The following VLDLR variants were observed in gnomAD, a reference collection of about 807,000 sequenced individuals.
VLDLR encodes the protein very low-density lipoprotein receptor.
VLDLR carries 81 observed loss-of-function variants against 112.7 expected under a neutral mutation model. That is an observed-to-expected ratio of 0.72 (90% CI 0.60 to 0.86). VLDLR has a LOEUF of 0.86. VLDLR is among the 40% of genes least tolerant of loss of function. The pLI is 0.00. For synonymous variants in VLDLR, 436 were observed against 384.8 expected (o/e 1.13, Z -1.56); for missense variants, 1,237 against 1,099.4 (o/e 1.13, Z -1.77).
At chr9:2,650,271 CT>C in intron 14 of VLDLR, 98 bp from the exon 15 acceptor site, 1 of 1,507,914 alleles carries the variant, frequency 6.6e-7, no homozygotes, top group Non-Finnish European at 9.1e-7. Flanking sequence ...AGTTTAAGCT[CT>C]TGGGGGCAAG....
rs779139207 is a variant in VLDLR at position 2,648,789 on chromosome 9, C to T, written c.2083C>T (p.His695Tyr). The T allele has an allele frequency of 6.2e-7, 1 of 1,614,166 alleles. No individual in the cohort carries two copies. Among genetic ancestry groups the T allele is most frequent in the Non-Finnish European group, 8.5e-7 (1 of 1,180,026 alleles). Residue 695 changes from histidine to tyrosine, a missense_variant, in exon 14 of 19, where the codon CAT becomes TAT. Transcript: ENST00000382100. ...LNDAQDIIVY[H>Y]ELVQPSGKNW... is the part of the protein sequence containing the mutation. ...TGATGCCCAAGACATCATTGTCTATCATGAACTTGTACAGCCATCAGGTAC... is the reference window on the plus strand; with the variant it reads ...TGATGCCCAAGACATCATTGTCTATTATGAACTTGTACAGCCATCAGGTAC...
At position 2,643,443 on chromosome 9, in the gene VLDLR, C is replaced by T; in HGVS notation, c.732C>T (p.Ile244=). ...VIHTKCPASE[I]QCGSGECIHK... ...ACACCAAGTGTCCAGCCAGCGAAAT[C>T]CAGTGCGGCTCTGGCGAGTGCATCC... The change falls in exon 5 of 19, where the codon ATC becomes ATT. Residue 244 remains isoleucine, a synonymous_variant. Transcript: ENST00000382100. 8.1e-6 allele frequency: 13 copies of T among 1,614,190 alleles called. No homozygotes were observed. The highest frequency in any genetic ancestry group is 1.1e-5 in the Non-Finnish European group (13 of 1,180,040).
At chr9:2,624,820 G>T (rs763788150) in intron 1 of VLDLR, among the ~76,000 whole-genome samples, 1 of 152,176 alleles carries the variant, frequency 6.6e-6, no homozygotes, top group Non-Finnish European at 1.5e-5. Flanking sequence ...CAGGGACTGC[G>T]TAAAGGAAGG....
chr9:2,646,341 A>G lies in VLDLR; in HGVS notation c.1492A>G (p.Ile498Val), dbSNP rs758735718. ...TGACCTATTCTGTTTCAGTGCCTCA[A>G]TTGATGACAAGGTTGGTAGACATGT... ...LSQKAIFSAS[I>V]DDKVGRHVKM... The change falls in exon 11 of 19, where the codon ATT (isoleucine) becomes GTT (valine). Residue 498 changes from isoleucine to valine, a missense_variant. Transcript: ENST00000382100. 8 of 1,614,034 alleles carry G rather than the reference A, an allele frequency of 5.0e-6. No homozygotes were observed. The highest frequency in any genetic ancestry group is 3.3e-4 in the Middle Eastern group (2 of 6,084).
intron 4 of VLDLR, among the ~76,000 whole-genome samples, chr9:2,641,754 A>G (rs1172348676): frequency 6.6e-6 from 1 of 152,102 alleles, no homozygotes; most frequent in Non-Finnish European, 1.5e-5. Flanking sequence ...GCACTTATAT[A>G]TAGAAGTAGC....
intron 4 of VLDLR, among the ~76,000 whole-genome samples, chr9:2,642,739 G>C (rs1053228267): frequency 1.7e-4 from 26 of 152,178 alleles, no homozygotes; most frequent in African/African-American, 6.3e-4. Flanking sequence ...TGGTGACAAA[G>C]TCTTAATGCT....
intron 17 of VLDLR, 63 bp downstream of exon 17, chr9:2,652,017 G>A (rs188004889): frequency 1.6e-4 from 246 of 1,522,732 alleles, no homozygotes; most frequent in Non-Finnish European, 2.1e-4. Context: ...AAGATTTTTT[G>A]TTCATCTGGA....
chr9:2,625,364 A>G (rs939097146), intron 1 of VLDLR, among the ~76,000 whole-genome samples: 1 of 152,228 alleles, frequency 6.6e-6, no homozygotes, highest in Non-Finnish European at 1.5e-5. Flanking sequence ...CACAGCATAG[A>G]AATACAGCTA....
chr9:2,652,962 T>G lies in VLDLR; in HGVS notation c.2586+13T>G. On this transcript the variant is annotated intron_variant, in intron 18 of 18. Transcript: ENST00000382100. ...CACGTACCCAGCAGTAAGTCAGCTT[T>G]GTGTCTTTATACACCATGGCTTGAA... 6.2e-7 allele frequency: 1 copy of G among 1,613,964 alleles called. No homozygotes were observed. Among genetic ancestry groups the G allele is most frequent in the Non-Finnish European group, 8.5e-7 (1 of 1,179,872 alleles).
chr9:2,647,075 C>T (rs1818110797), intron 11 of VLDLR, among the ~76,000 whole-genome samples: 1 of 152,138 alleles, frequency 6.6e-6, no homozygotes, highest in Non-Finnish European at 1.5e-5. Flanking sequence ...AAGAGCAGCT[C>T]AGGAAGTTGA....
At chr9:2,622,348 GT>G in intron 1 of VLDLR, 77 bp downstream of exon 1, 1 of 1,289,602 alleles carries the variant, frequency 7.8e-7, no homozygotes, top group Non-Finnish European at 1.0e-6. Context: ...GTAGGTCTCC[GT>G]TTGCCCACCC....
chr9:2,631,857 A>G (rs908843600), intron 1 of VLDLR, among the ~76,000 whole-genome samples: 2 of 152,190 alleles, frequency 1.3e-5, no homozygotes, highest in African/African-American at 4.8e-5. Flanking sequence ...AAATTTATAC[A>G]AACACCACCA....
chr9:2,628,257 AAGC>A (rs1242032675), intron 1 of VLDLR, among the ~76,000 whole-genome samples: 2 of 152,158 alleles, frequency 1.3e-5, no homozygotes, highest in African/African-American at 2.4e-5. Context: ...TATTATGAGA[AAGC>A]AGCCAGACCA....
At position 2,622,270 on chromosome 9, in the gene VLDLR, C is replaced by T. The variant is rs1342491883; in HGVS notation, c.81C>T (p.Thr27=). The part of the protein sequence containing the change: ...WAPRESGATG[T]GRKAKCEPSQ... Reference sequence around the variant, plus strand: ...CCCGGGAGAGCGGCGCCACCGGAACCGGTGAGTGAGGACGCGCCCCTCCGC... The same window carrying T: ...CCCGGGAGAGCGGCGCCACCGGAACTGGTGAGTGAGGACGCGCCCCTCCGC... The change falls in exon 1 of 19, where the codon ACC becomes ACT. Residue 27 remains threonine (T), a splice_region_variant and synonymous_variant. Transcript: ENST00000382100. 6.7e-7 allele frequency: 1 copy of T among 1,487,008 alleles called. No homozygotes were observed. The highest frequency in any genetic ancestry group is 1.3e-5 in the South Asian group (1 of 78,162). The allele number at this position is 1,487,008 out of a possible 1,614,324, so 92.1% of individuals were successfully genotyped here.
intron 3 of VLDLR, among the ~76,000 whole-genome samples, chr9:2,640,477 G>C (rs1817776498): frequency 6.6e-6 from 1 of 152,160 alleles, no homozygotes; most frequent in South Asian, 2.1e-4. Flanking sequence ...TACTAAAATG[G>C]AGATCTTACA....
chr9:2,650,595 A>C, intron 15 of VLDLR, 79 bp downstream of exon 15: 1 of 1,572,832 alleles, frequency 6.4e-7, no homozygotes, highest in Non-Finnish European at 8.7e-7. Context: ...ATTTTTAAGA[A>C]TTCTGTCTTA....
chr9:2,649,385 GCTTTCTTT>G lies in VLDLR; in HGVS notation c.2104+580_2104+587del, dbSNP rs567373355. 8.1e-4 allele frequency among the ~76,000 whole-genome samples: 122 copies of G among 150,342 alleles called. 1 individual carries two copies. The highest frequency in any genetic ancestry group is 2.9e-3 in the African/African-American group (114 of 39,914). On this transcript the variant is annotated intron_variant, in intron 14 of 18. Coordinates refer to ENST00000382100, the MANE Select transcript of VLDLR (RefSeq NM_003383.5). ...GTATATGCTCGTGTCCAGCTTTCTT[GCTTTCTTT>G]CTTTTTCTGTTTTTTGGAGACTGAC...
intron 10 of VLDLR, 25 bp downstream of exon 10, chr9:2,645,770 G>A (rs773315087): frequency 1.5e-5 from 24 of 1,613,788 alleles, no homozygotes; most frequent in South Asian, 2.2e-5. Context: ...CTTTTGTGGT[G>A]TCTTGACATA....
intron 18 of VLDLR, 40 bp from the exon 19 acceptor site, chr9:2,653,793 G>C (rs1449403472): frequency 2.5e-6 from 4 of 1,613,050 alleles, no homozygotes; most frequent in Non-Finnish European, 3.4e-6. Context: ...CCATCAGTGA[G>C]TGATCACCAA....
Sources: allele counts gnomAD v4.1 joint callset (sites outside exome capture counted in the v4.1 genomes callset), GRCh38; gene constraint gnomAD v4.1.1; transcripts MANE v1.5; gene names NCBI Gene and HGNC (gene_info 2026-07-23, HGNC 2026-07-21).